GSG1L: variants seen among roughly 807,000 people sequenced by gnomAD.
GSG1L encodes the protein germ cell-specific gene 1-like protein.
In GSG1L, 24 loss-of-function variants were observed where a neutral mutation model predicts 42.1. The observed-to-expected ratio is 0.57, with a 90% CI of 0.41 to 0.80. The LOEUF is 0.80. Among genes scored for constraint, GSG1L ranks in the 30% least tolerant of loss-of-function variants. The pLI, the probability that GSG1L is intolerant of heterozygous loss-of-function variation, is 0.00. For missense variants in GSG1L, 445 were observed against 472.2 expected, an observed-to-expected ratio of 0.94 and a Z score of 0.53; for synonymous variants, 215 against 203.5, an observed-to-expected ratio of 1.06 and a Z score of -0.48.
chr16:27,904,911 G>A (rs950748610), intron 2 of GSG1L, among the ~76,000 whole-genome samples: 1 of 152,226 alleles, frequency 6.6e-6, no homozygotes, highest in Non-Finnish European at 1.5e-5. Context: ...CACATCCCAG[G>A]AGAAGCCACA....
At chr16:28,052,516 A>G (rs2086231527) in intron 1 of GSG1L, among the ~76,000 whole-genome samples, 1 of 152,114 alleles carries the variant, frequency 6.6e-6, no homozygotes, top group Non-Finnish European at 1.5e-5. Flanking sequence ...GCTTTGACCA[A>G]TGAGATGCAA....
rs184566145 is a variant in GSG1L at position 27,976,486 on chromosome 16, G to A, written c.350-13283C>T. On this transcript the variant is annotated intron_variant, in intron 1 of 6. Coordinates refer to ENST00000447459, the MANE Select transcript of GSG1L (RefSeq NM_001109763.2). The stretch of plus-strand genomic sequence containing the variant: ...TCTTTCTCAAGAATCTCACAAGAGC[G>A]GGGACCTACTCTGCAGAATCCAGAA... Among the ~76,000 whole-genome samples, 47 of 152,268 alleles carry A rather than the reference G, an allele frequency of 3.1e-4. 1 individual carries two copies. Among genetic ancestry groups the A allele is most frequent in the African/African-American group, 8.7e-4 (36 of 41,556 alleles).
intron 1 of GSG1L, among the ~76,000 whole-genome samples, chr16:28,010,195 G>A (rs188566724): frequency 1.8e-4 from 27 of 152,252 alleles, no homozygotes; most frequent in African/African-American, 5.8e-4. Flanking sequence ...AACCTCCCAC[G>A]GATCTTCAGT....
intron 2 of GSG1L, among the ~76,000 whole-genome samples, chr16:27,937,732 A>G (rs906104226): frequency 6.6e-6 from 1 of 152,188 alleles, no homozygotes; most frequent in Non-Finnish European, 1.5e-5. Flanking sequence ...ATTGGCTTCA[A>G]GGACCACATC....
chr16:27,832,518 G>C (rs1319101581), intron 4 of GSG1L, among the ~76,000 whole-genome samples: 1 of 152,200 alleles, frequency 6.6e-6, no homozygotes, highest in East Asian at 1.9e-4. Context: ...ATTATCTGGA[G>C]CATCATCCAA....
chr16:27,865,415 GC>G (rs2083702248), intron 3 of GSG1L, among the ~76,000 whole-genome samples: 1 of 151,260 alleles, frequency 6.6e-6, no homozygotes, highest in South Asian at 2.1e-4. Flanking sequence ...GGTCTTCTCA[GC>G]CCCTGGGGGA....
chr16:27,815,558 T>TG (rs1367182191), intron 5 of GSG1L, among the ~76,000 whole-genome samples: 1 of 152,142 alleles, frequency 6.6e-6, no homozygotes, highest in African/African-American at 2.4e-5. Context: ...GAAGGGCTGA[T>TG]GGGGATGCTT....
chr16:27,997,516 C>T (rs2085530237), intron 1 of GSG1L, among the ~76,000 whole-genome samples: 1 of 151,482 alleles, frequency 6.6e-6, no homozygotes, highest in Non-Finnish European at 1.5e-5. Flanking sequence ...GAGGTCAGGC[C>T]CATTTGGATA....
At chr16:27,987,850 G>T (rs2085404197) in intron 1 of GSG1L, among the ~76,000 whole-genome samples, 1 of 150,648 alleles carries the variant, frequency 6.6e-6, no homozygotes, top group South Asian at 2.1e-4. Context: ...GGGAGGCTGA[G>T]GCAGGGGAAT....
At chr16:28,003,515 A>T (rs1365374637) in intron 1 of GSG1L, among the ~76,000 whole-genome samples, 1 of 152,218 alleles carries the variant, frequency 6.6e-6, no homozygotes, top group Non-Finnish European at 1.5e-5. Flanking sequence ...CAGAGGAGCC[A>T]ATTGGCCCAG....
chr16:27,846,170 C>T (rs778965073), intron 3 of GSG1L, among the ~76,000 whole-genome samples: 5 of 152,280 alleles, frequency 3.3e-5, no homozygotes, highest in East Asian at 1.9e-4. Context: ...TCTGTCCCAC[C>T]GATCTTTCTC....
intron 2 of GSG1L, among the ~76,000 whole-genome samples, chr16:27,935,077 G>T (rs1035504): frequency 2.0e-5 from 3 of 152,214 alleles, no homozygotes; most frequent in Non-Finnish European, 2.9e-5. Flanking sequence ...ACTTGAGAAG[G>T]TGTTTATTTT....
chr16:27,833,463 T>A (rs1345131539), intron 4 of GSG1L, among the ~76,000 whole-genome samples: 2 of 152,214 alleles, frequency 1.3e-5, no homozygotes, highest in Non-Finnish European at 2.9e-5. Context: ...TTCAAAATTG[T>A]TTTAGAAATT....
Position 28,040,980 on chromosome 16 carries a change from C to T in GSG1L, c.349+22096G>A, listed in dbSNP as rs2086099485. Among the ~76,000 whole-genome samples, 1 of 152,226 alleles carries T rather than the reference C, an allele frequency of 6.6e-6. No homozygotes were observed. Among genetic ancestry groups the T allele is most frequent in the Non-Finnish European group, 1.5e-5 (1 of 68,050 alleles). On this transcript the variant is annotated intron_variant, in intron 1 of 6. Coordinates refer to ENST00000447459, the MANE Select transcript of GSG1L (RefSeq NM_001109763.2). The surrounding 1 kb of genome is among the most constrained non-coding windows in gnomAD (Gnocchi z 4.1). Reference sequence around the variant, plus strand: ...GACTGCACCTCCGTGTCCTCTCAATCTCACATCAACCCCTAAGATGTTTGG... The same window carrying T: ...GACTGCACCTCCGTGTCCTCTCAATTTCACATCAACCCCTAAGATGTTTGG...
intron 3 of GSG1L, among the ~76,000 whole-genome samples, chr16:27,878,581 G>A (rs1353634719): frequency 1.3e-5 from 2 of 152,162 alleles, no homozygotes; most frequent in Non-Finnish European, 2.9e-5. Flanking sequence ...CTGGACTACA[G>A]ACTCACACCA....
At chr16:27,849,204 A>ACCCCC (rs1567485072) in intron 3 of GSG1L, among the ~76,000 whole-genome samples, 34 of 93,376 alleles carry the variant, frequency 3.6e-4, no homozygotes, top group East Asian at 2.0e-3. Flanking sequence ...TCCCAAAAAG[A>ACCCCC]AAAAAAAAAA....
intron 1 of GSG1L, among the ~76,000 whole-genome samples, chr16:28,021,813 T>G (rs1443523363): frequency 6.6e-6 from 1 of 152,174 alleles, no homozygotes. Context: ...ATGACTGGCA[T>G]TGGTCTCACA....
chr16:27,942,291 A>T (rs1027265269), intron 2 of GSG1L, among the ~76,000 whole-genome samples: 4 of 152,308 alleles, frequency 2.6e-5, no homozygotes, highest in Non-Finnish European at 4.4e-5. Context: ...CTGGGACTAC[A>T]GGTGCTGGCC....
Position 27,901,641 on chromosome 16 carries a change from C to T in GSG1L, c.398-17003G>A, listed in dbSNP as rs141231280. ...TGGGAAGAGGCTGGGATCTGCACTT[C>T]GAGCAAGTGCCCCAGGTCGTTCAGA... On this transcript the variant is annotated intron_variant, in intron 2 of 6. Transcript: ENST00000447459. Among the ~76,000 whole-genome samples the T allele has an allele frequency of 4.4e-3, 664 of 152,334 alleles. 3 individuals carry two copies. Among genetic ancestry groups the T allele is most frequent in the African/African-American group, 0.015 (637 of 41,578 alleles).
Sources: allele counts gnomAD v4.1 joint callset (sites outside exome capture counted in the v4.1 genomes callset), GRCh38; gene constraint gnomAD v4.1.1; non-coding constraint Gnocchi (gnomAD v3.1); transcripts MANE v1.5; gene names NCBI Gene and HGNC (gene_info 2026-07-23, HGNC 2026-07-21).